The following APOL2 variants were observed in gnomAD, a reference collection of about 807,000 sequenced individuals.
APOL2 encodes the protein apolipoprotein L, 2.
Under a neutral mutation model 7.1 loss-of-function variants are expected in APOL2, and 8 were observed. That is an observed-to-expected ratio of 1.12 (90% CI 0.66 to 2.03). APOL2 has a LOEUF of 2.03. APOL2 is among the 30% of genes most tolerant of loss of function. The pLI is 0.00. For missense variants in APOL2, 471 were observed against 415.1 expected, an observed-to-expected ratio of 1.13 and a Z score of -1.17; for synonymous variants, 177 against 159.9, an observed-to-expected ratio of 1.11 and a Z score of -0.81.
intron 1 of APOL2, chr22:36,237,124 C>T: frequency 6.5e-7 from 1 of 1,532,338 alleles, no homozygotes; most frequent in Non-Finnish European, 8.8e-7. Context: ...GTTGGCCTGG[C>T]TCCCACCTTT....
chr22:36,235,607 C>T (rs188535871), intron 1 of APOL2, among the ~76,000 whole-genome samples: 48 of 151,958 alleles, frequency 3.2e-4, no homozygotes, highest in African/African-American at 7.0e-4. Context: ...AAGAAAGTCA[C>T]GGAAATCCTC....
intron 1 of APOL2, 136 bp from the exon 2 acceptor site, chr22:36,233,591 T>C (rs1459682608): frequency 1.3e-6 from 1 of 751,610 alleles, no homozygotes; most frequent in Admixed American, 2.3e-5. Context: ...ACATGTATGA[T>C]AACTAGTTGA....
chr22:36,228,662 G>A (rs555093240), intron 4 of APOL2, among the ~76,000 whole-genome samples: 37 of 152,172 alleles, frequency 2.4e-4, no homozygotes, highest in Non-Finnish European at 4.3e-4. Context: ...AGGATGGCAG[G>A]AAAGTGAAGC....
At chr22:36,239,007 G>T in intron 1 of APOL2, 1 of 574,574 alleles carries the variant, frequency 1.7e-6, no homozygotes, top group Non-Finnish European at 2.5e-6. Context: ...GGCTTCAGCA[G>T]CAGCACCCTG....
intron 1 of APOL2, chr22:36,236,677 G>T (rs2015414832): frequency 1.0e-6 from 1 of 985,100 alleles, no homozygotes; most frequent in Non-Finnish European, 1.2e-6. Context: ...CAGCTCAGTG[G>T]TTCCCGGGCA....
rs773514292 is a variant in APOL2, at chr22:36,228,063, C to A, written c.355G>T (p.Val119Leu). 2.5e-6 allele frequency: 4 copies of A among 1,614,092 alleles called. No homozygotes were observed. The highest frequency in any genetic ancestry group is 3.4e-6 in the Non-Finnish European group (4 of 1,180,036). Residue 119 changes from valine (V) to leucine (L), a missense_variant, in exon 5 of 5, where the codon GTG becomes TTG. Coordinates refer to ENST00000358502, the MANE Select transcript of APOL2 (RefSeq NM_030882.4). Reference sequence around the variant, plus strand: ...GAGGTAGTGCCAACAGAGTTGGACACCACATTGGCAATGGTGGTGCCTCTG... The same window carrying A: ...GAGGTAGTGCCAACAGAGTTGGACAACACATTGGCAATGGTGGTGCCTCTG... ...VHRGTTIANVVSNSVGTTSGI... is the reference protein window; with the variant it reads ...VHRGTTIANVLSNSVGTTSGI...
intron 1 of APOL2, chr22:36,236,911 G>T: frequency 7.7e-7 from 1 of 1,304,530 alleles, no homozygotes; most frequent in Non-Finnish European, 9.7e-7. Context: ...GACGGGAGGG[G>T]GTCTTCCCTT....
At chr22:36,237,596 G>T (rs1187151813) in intron 1 of APOL2, among the ~76,000 whole-genome samples, 2 of 147,406 alleles carry the variant, frequency 1.4e-5, no homozygotes, top group African/African-American at 2.7e-5. Flanking sequence ...TTTCATTTCA[G>T]AGAGACAGCA....
intron 1 of APOL2, chr22:36,237,124 C>A: frequency 6.5e-7 from 1 of 1,532,338 alleles, no homozygotes; most frequent in South Asian, 1.2e-5. Flanking sequence ...GTTGGCCTGG[C>A]TCCCACCTTT....
chr22:36,231,623 C>A (rs1415861198), intron 3 of APOL2, among the ~76,000 whole-genome samples, 157 bp from the exon 4 acceptor site: 1 of 152,114 alleles, frequency 6.6e-6, no homozygotes, highest in Non-Finnish European at 1.5e-5. Flanking sequence ...TGTGTGCCCC[C>A]AAAATTCATA....
intron 3 of APOL2, among the ~76,000 whole-genome samples, chr22:36,231,721 C>T (rs1415047465): frequency 1.3e-5 from 2 of 152,142 alleles, no homozygotes; most frequent in Non-Finnish European, 2.9e-5. Flanking sequence ...AAGGGTAGGG[C>T]TCTAATCCTA....
intron 4 of APOL2, among the ~76,000 whole-genome samples, chr22:36,229,077 G>A (rs557307550): frequency 6.6e-6 from 1 of 152,284 alleles, no homozygotes; most frequent in African/African-American, 2.4e-5. Flanking sequence ...TTCTGGACTT[G>A]CACCACCTTG....
Position 36,228,153 on chromosome 22 carries a change from T to C in APOL2, c.265A>G (p.Lys89Glu). ...CTTATGTGATCCTCAAGCTCCCTTT[T>C]CAACCGAGGAAACTCTTTCAAAAAC... ...QWFLKEFPRL[K>E]RELEDHIRKL... Residue 89 changes from lysine to glutamate, a missense_variant, in exon 5 of 5, where the codon AAA becomes GAA. Transcript: ENST00000358502. 6.2e-7 allele frequency: 1 copy of C among 1,614,218 alleles called. No homozygotes were observed. Among genetic ancestry groups the C allele is most frequent in the Non-Finnish European group, 8.5e-7 (1 of 1,180,034 alleles).
At chr22:36,229,133 G>A (rs990663480) in intron 4 of APOL2, among the ~76,000 whole-genome samples, 5 of 152,110 alleles carry the variant, frequency 3.3e-5, no homozygotes, top group East Asian at 3.8e-4. Flanking sequence ...GGTCCTCCCC[G>A]CTTGCTGTCT....
Position 36,227,848 on chromosome 22 carries a change from A to T in APOL2, c.570T>A (p.Asn190Lys). 1 of 1,614,176 alleles carries T rather than the reference A, an allele frequency of 6.2e-7. No individual in the cohort carries two copies. The highest frequency in any genetic ancestry group is 8.5e-7 in the Non-Finnish European group (1 of 1,180,028). The change falls in exon 5 of 5, where the codon AAT becomes AAA. Residue 190 changes from asparagine (N) to lysine (K), a missense_variant. Coordinates refer to ENST00000358502, the MANE Select transcript of APOL2 (RefSeq NM_030882.4). The part of the protein sequence containing the change: ...QARNLDQSGT[N>K]VAKVMKEFVG... ...CAAACTCCTTCATCACCTTTGCTAC[A>T]TTGGTGCCGCTTTGGTCCAAGTTGC...
chr22:36,233,789 A>C (rs1324913139), intron 1 of APOL2, among the ~76,000 whole-genome samples: 1 of 152,126 alleles, frequency 6.6e-6, no homozygotes, highest in Non-Finnish European at 1.5e-5. Flanking sequence ...CTTCAATCCC[A>C]TGTCTTCAAT....
In APOL2 at chr22:36,227,403, G is replaced by T. The variant is rs747449868; in HGVS notation, c.*1C>A. On this transcript the variant is annotated 3_prime_UTR_variant, in exon 5 of 5. Coordinates refer to ENST00000358502, the MANE Select transcript of APOL2 (RefSeq NM_030882.4). ...GCCCTGGTGGCTGCACTGCTCTGGG[G>T]TCATTGGTCTTGGCCTGGCTGCAGC... 1 of 1,604,606 alleles carries T rather than the reference G, an allele frequency of 6.2e-7. No individual in the cohort carries two copies. Among genetic ancestry groups the T allele is most frequent in the South Asian group, 1.1e-5 (1 of 89,050 alleles).
At chr22:36,232,888 C>T (rs548648237) in intron 3 of APOL2, among the ~76,000 whole-genome samples, 16 of 152,014 alleles carry the variant, frequency 1.1e-4, no homozygotes, top group African/African-American at 3.9e-4. Flanking sequence ...TCATGGCTGT[C>T]CTGCCCCACT....
intron 1 of APOL2, chr22:36,237,104 C>G: frequency 6.5e-7 from 1 of 1,535,288 alleles, no homozygotes; most frequent in Middle Eastern, 1.7e-4. Context: ...TCCCATCCTC[C>G]TGGGTCATTG....
Sources: gnomAD v4.1 joint callset for allele counts (sites outside exome capture counted in the v4.1 genomes callset) on GRCh38, gnomAD v4.1.1 for gene constraint, MANE v1.5 for transcripts, NCBI Gene and HGNC (gene_info 2026-07-23, HGNC 2026-07-21) for gene names.